DISP2: variants seen among roughly 807,000 people sequenced by gnomAD.
DISP2 encodes the protein protein dispatched homolog 2.
Under a neutral mutation model 95.5 loss-of-function variants are expected in DISP2, and 59 were observed. The observed-to-expected ratio is 0.62, with a 90% CI of 0.50 to 0.77. The LOEUF (loss-of-function observed/expected upper bound fraction) is 0.77, where lower values mean the gene tolerates loss of function less well. Among genes scored for constraint, DISP2 ranks in the 30% least tolerant of loss-of-function variants. The pLI, the probability that DISP2 is intolerant of heterozygous loss-of-function variation, is 0.00. For missense variants in DISP2, 1,752 were observed against 1,854.6 expected, an observed-to-expected ratio of 0.94 and a Z score of 1.02; for synonymous variants, 827 against 815.0, an observed-to-expected ratio of 1.01 and a Z score of -0.25.
rs371395422 is a variant in DISP2, at chr15:40,370,124, G to A, written c.4012G>A (p.Asp1338Asn). ...GCGAGGCCAGCTCAATGGGAAGCGGGACACCCTGTGGCTGGCGCTGAGGGA... is the reference window on the plus strand; with the variant it reads ...GCGAGGCCAGCTCAATGGGAAGCGGAACACCCTGTGGCTGGCGCTGAGGGA... ...LERGQLNGKRDTLWLALRETV... is the reference protein window; with the variant it reads ...LERGQLNGKRNTLWLALRETV... The change falls in exon 8 of 8, where the codon GAC (aspartate) becomes AAC (asparagine). Residue 1338 changes from aspartate to asparagine, a missense_variant. Asp to Asn is a conservative substitution (Grantham distance 23). Coordinates refer to ENST00000267889, the MANE Select transcript of DISP2 (RefSeq NM_033510.3). 448 of 1,607,630 alleles carry A rather than the reference G, an allele frequency of 2.8e-4. 6 individuals carry two copies. The South Asian group carries it at 4.7e-3, about 17-fold the overall frequency.
rs893486442 is a variant in DISP2, at chr15:40,373,160, A to G, written c.*2842A>G. ...TGAGTTGCAGCAGATCCTTTGCTTTATTATTATTAGGGGCACTTACAATGA... is the reference window on the plus strand; with the variant it reads ...TGAGTTGCAGCAGATCCTTTGCTTTGTTATTATTAGGGGCACTTACAATGA... On this transcript the variant is annotated 3_prime_UTR_variant, in exon 8 of 8. Transcript: ENST00000267889. The G allele has an allele frequency of 1.3e-5, 2 of 152,066 alleles. No homozygotes were observed. Among genetic ancestry groups the G allele is most frequent in the Non-Finnish European group, 2.9e-5 (2 of 68,026 alleles). 9.4% of individuals were successfully genotyped at this position (152,066 alleles called of 1,614,324 possible).
chr15:40,358,487 C>T lies in DISP2; in HGVS notation c.119+47C>T, dbSNP rs1164982505. The T allele has an allele frequency of 3.3e-6, 4 of 1,203,924 alleles. No homozygotes were observed. In the East Asian group the frequency reaches 1.3e-4, roughly 38 times the overall value. The allele number at this position is 1,203,924 out of a possible 1,614,324, so 74.6% of individuals were successfully genotyped here. On this transcript the variant is annotated intron_variant, in intron 1 of 7. Transcript: ENST00000267889. ...ATCCGTATCACAGACCCTCCCAGAC[C>T]CTCCCCGCCCCAGGTATCCCCAGTA...
chr15:40,367,442 A>T lies in DISP2; in HGVS notation c.1330A>T (p.Lys444Ter). 1 of 1,613,092 alleles carries T rather than the reference A, an allele frequency of 6.2e-7. No individual in the cohort carries two copies. The highest frequency in any genetic ancestry group is 8.5e-7 in the Non-Finnish European group (1 of 1,179,802). Residue 444 changes from lysine (K) to a stop codon, truncating the protein, a stop_gained, in exon 8 of 8, where the codon AAG becomes TAG. Transcript: ENST00000267889. LOFTEE classifies it high-confidence loss of function. ...KYSLLFLPTP[K>*]GASLMDIYLD... ...CAGCCTGCTCTTCCTGCCCACCCCAAAGGGTGCTTCCCTCATGGACATCTA... is the reference window on the plus strand; with the variant it reads ...CAGCCTGCTCTTCCTGCCCACCCCATAGGGTGCTTCCCTCATGGACATCTA...
In DISP2 at chr15:40,378,419, G is replaced by A. The variant is rs535435220; in HGVS notation, c.*8101G>A. The A allele has an allele frequency of 6.6e-6, 1 of 152,218 alleles. No individual in the cohort carries two copies. Among genetic ancestry groups the A allele is most frequent in the African/African-American group, 2.4e-5 (1 of 41,528 alleles). The allele number at this position is 152,218 out of a possible 1,614,324, so 9.4% of individuals were successfully genotyped here. A position where few individuals can be genotyped will look rare whatever the true frequency, so the allele number is the denominator to read the frequency against. ...GGCTGTGTTTATTATCTTAATTGTG[G>A]TGATGGTTTCACAGGTATATGTAAT... On this transcript the variant is annotated 3_prime_UTR_variant, in exon 8 of 8. Coordinates refer to ENST00000267889, the MANE Select transcript of DISP2 (RefSeq NM_033510.3).
chr15:40,366,430 C>T (rs1246279217), intron 7 of DISP2, among the ~76,000 whole-genome samples: 3 of 152,238 alleles, frequency 2.0e-5, no homozygotes, highest in Non-Finnish European at 4.4e-5. Flanking sequence ...ATAGTAATCT[C>T]TCAATAAGTA....
intron 1 of DISP2, 89 bp from the exon 2 acceptor site, chr15:40,363,536 T>C: frequency 4.1e-6 from 4 of 973,394 alleles, no homozygotes; most frequent in Non-Finnish European, 5.9e-6. Context: ...TGTCCCCTTG[T>C]CTTGTCTTAC....
Position 40,368,768 on chromosome 15 carries a change from G to A in DISP2, c.2656G>A (p.Gly886Ser). ...KMMALEQGPD[G>S]TQDLGLRFDA... ...GATGGCTCTGGAGCAAGGCCCCGAT[G>A]GCACCCAGGACCTGGGACTCCGCTT... The change falls in exon 8 of 8, where the codon GGC becomes AGC. Residue 886 changes from glycine to serine, a missense_variant. Transcript: ENST00000267889. The A allele has an allele frequency of 3.1e-6, 5 of 1,613,822 alleles. No homozygotes were observed. The highest frequency in any genetic ancestry group is 4.2e-6 in the Non-Finnish European group (5 of 1,180,034).
chr15:40,368,309 C>G lies in DISP2; in HGVS notation c.2197C>G (p.Pro733Ala), dbSNP rs1345578674. Residue 733 changes from proline (P) to alanine (A), a missense_variant, in exon 8 of 8, where the codon CCG becomes GCG. Pro to Ala is a conservative substitution (Grantham distance 27). Coordinates refer to ENST00000267889, the MANE Select transcript of DISP2 (RefSeq NM_033510.3). ...CCCCCGCCTGCGGCTGCCCACGCTG[C>G]CGCCGCCCGGCGGCCAGGTCTTCCG... is the stretch of plus-strand genomic sequence containing the variant. ...VSPRLRLPTL[P>A]PPGGQVFRPS... is the part of the protein sequence containing the mutation. The G allele has an allele frequency of 2.5e-6, 4 of 1,604,354 alleles. No individual in the cohort carries two copies. The highest frequency in any genetic ancestry group is 3.4e-6 in the Non-Finnish European group (4 of 1,176,842).
intron 1 of DISP2, among the ~76,000 whole-genome samples, chr15:40,359,557 C>T (rs1302645657): frequency 6.6e-6 from 1 of 152,192 alleles, no homozygotes; most frequent in Non-Finnish European, 1.5e-5. Flanking sequence ...CAGGACAGAG[C>T]GAGGACCTGG....
rs768683968 is a variant in DISP2, at chr15:40,369,220, C to T, written c.3108C>T (p.Tyr1036=). 4 of 1,613,962 alleles carry T rather than the reference C, an allele frequency of 2.5e-6. No individual in the cohort carries two copies. The Admixed American group carries it at 5.0e-5, about 20-fold the overall frequency. The part of the protein sequence containing the change: ...VGLSVDFTVN[Y]CISYHLCPHP... ...TCTCAGTAGACTTCACTGTCAACTACTGCATCTCCTATCACCTGTGCCCAC... is the reference window on the plus strand; with the variant it reads ...TCTCAGTAGACTTCACTGTCAACTATTGCATCTCCTATCACCTGTGCCCAC... Residue 1036 remains tyrosine, a synonymous_variant, in exon 8 of 8, where the codon TAC becomes TAT. Transcript: ENST00000267889.
chr15:40,369,938 G>T lies in DISP2; in HGVS notation c.3826G>T (p.Ala1276Ser), dbSNP rs1391914603. The part of the protein sequence containing the change: ...APAHSPKAKA[A>S]DPPDGFCSSA... ...AGCCCACTCTCCTAAGGCCAAGGCT[G>T]CAGATCCTCCTGATGGCTTCTGTTC... is the stretch of plus-strand genomic sequence containing the variant. The change falls in exon 8 of 8, where the codon GCA becomes TCA. Residue 1276 changes from alanine (A) to serine (S), a missense_variant. Physicochemically the swap from Ala to Ser is moderately conservative, Grantham distance 99. Coordinates refer to ENST00000267889, the MANE Select transcript of DISP2 (RefSeq NM_033510.3). The T allele has an allele frequency of 1.9e-6, 3 of 1,601,790 alleles. No individual in the cohort carries two copies. The highest frequency in any genetic ancestry group is 2.2e-5 in the East Asian group (1 of 44,700).
chr15:40,369,837 C>G lies in DISP2; in HGVS notation c.3725C>G (p.Pro1242Arg), dbSNP rs773375890. The change falls in exon 8 of 8, where the codon CCC becomes CGC. Residue 1242 changes from proline (P) to arginine (R), a missense_variant. Around this residue, in one of 5 missense-constraint regions of DISP2, gnomAD observed 347 missense variants for 344.2 expected, o/e 1.01. Coordinates refer to ENST00000267889, the MANE Select transcript of DISP2 (RefSeq NM_033510.3). Reference sequence around the variant, plus strand: ...TCCTCCCCCTATAAGCAGGCTGGCCCCAGCCCCAAAACCCGGGCCAGGCAG... The same window carrying G: ...TCCTCCCCCTATAAGCAGGCTGGCCGCAGCCCCAAAACCCGGGCCAGGCAG... ...QTSSPYKQAG[P>R]SPKTRARQDS... is the part of the protein sequence containing the mutation. 6.3e-7 allele frequency: 1 copy of G among 1,577,566 alleles called. No homozygotes were observed. The highest frequency in any genetic ancestry group is 1.2e-5 in the South Asian group (1 of 86,912).
Position 40,369,330 on chromosome 15 carries a change from C to T in DISP2, c.3218C>T (p.Ala1073Val). ...TAVGAAALFAAGVLMLPATVL... is the reference protein window; with the variant it reads ...TAVGAAALFAVGVLMLPATVL... Reference sequence around the variant, plus strand: ...GTGGGGGCTGCAGCCCTGTTTGCGGCAGGCGTGCTCATGCTGCCTGCCACA... The same window carrying T: ...GTGGGGGCTGCAGCCCTGTTTGCGGTAGGCGTGCTCATGCTGCCTGCCACA... Residue 1073 changes from alanine to valine, a missense_variant, in exon 8 of 8, where the codon GCA (alanine) becomes GTA (valine). Physicochemically the swap from Ala to Val is moderately conservative, Grantham distance 64. Around this residue, in one of 5 missense-constraint regions of DISP2, gnomAD observed 317 missense variants for 394.9 expected, o/e 0.80. Transcript: ENST00000267889. 6.2e-7 allele frequency: 1 copy of T among 1,613,388 alleles called. No homozygotes were observed. The highest frequency in any genetic ancestry group is 8.5e-7 in the Non-Finnish European group (1 of 1,180,036).
chr15:40,369,549 G>A lies in DISP2; in HGVS notation c.3437G>A (p.Arg1146His), dbSNP rs374933710. Residue 1146 changes from arginine (R) to histidine (H), a missense_variant, in exon 8 of 8, where the codon CGC becomes CAC. Coordinates refer to ENST00000267889, the MANE Select transcript of DISP2 (RefSeq NM_033510.3). Reference protein sequence around the residue: ...TGDPGGEKAGRPRPGSVGGMP... With the variant: ...TGDPGGEKAGHPRPGSVGGMP... ...GACCCTGGTGGGGAGAAGGCAGGCC[G>A]CCCACGACCAGGGTCAGTGGGAGGG... 94 of 1,612,352 alleles carry A rather than the reference G, an allele frequency of 5.8e-5. No homozygotes were observed. The highest frequency in any genetic ancestry group is 1.9e-4 in the South Asian group (17 of 91,084).
rs1459080774 is a variant in DISP2, at chr15:40,368,066, TGTGCGCGCCGGGCGCGGGGCC to T, written c.1956_1976del (p.Cys652_Arg659delinsTrp). The stretch of plus-strand genomic sequence containing the variant: ...CCACGAGCGCTACCTGGCGCGCGGC[TGTGCGCGCCGGGCGCGGGGCC>T]GGTGGGAGGGCAGCGCGCCCCGGCG... On this transcript the variant is annotated inframe_deletion, in exon 8 of 8. Coordinates refer to ENST00000267889, the MANE Select transcript of DISP2 (RefSeq NM_033510.3). 9.6e-6 allele frequency: 14 copies of T among 1,457,720 alleles called. No homozygotes were observed. Among genetic ancestry groups the T allele is most frequent in the South Asian group, 4.1e-5 (3 of 73,408 alleles). The allele number at this position is 1,457,720 out of a possible 1,614,324, so 90.3% of individuals were successfully genotyped here.
Position 40,369,876 on chromosome 15 carries a change from A to G in DISP2, c.3764A>G (p.Glu1255Gly), listed in dbSNP as rs145027994. 5.2e-5 allele frequency: 82 copies of G among 1,565,576 alleles called. No individual in the cohort carries two copies. The African/African-American group carries it at 8.9e-4, about 17-fold the overall frequency. ...KTRARQDSQG[E>G]EAEPLPASPE... is the part of the protein sequence containing the mutation. ...CGGGCCAGGCAGGACTCCCAAGGGGAGGAGGCTGAGCCCCTGCCAGCCTCA... is the reference window on the plus strand; with the variant it reads ...CGGGCCAGGCAGGACTCCCAAGGGGGGGAGGCTGAGCCCCTGCCAGCCTCA... Residue 1255 changes from glutamate (E) to glycine (G), a missense_variant, in exon 8 of 8, where the codon GAG becomes GGG. Physicochemically the swap from Glu to Gly is moderately conservative, Grantham distance 98. This residue lies in a region of DISP2 where 347 missense variants were observed against 344.2 expected (regional missense o/e 1.01). Coordinates refer to ENST00000267889, the MANE Select transcript of DISP2 (RefSeq NM_033510.3).
At position 40,370,565 on chromosome 15, in the gene DISP2, CTGCTCCCACAGCACCA is replaced by C. The variant is rs1311951889; in HGVS notation, c.*249_*264del. The stretch of plus-strand genomic sequence containing the variant: ...TGCTTGCGACCTGCTGAGGGCTTGT[CTGCTCCCACAGCACCA>C]TCTAAGACCCCTCCTCTAGAAGTGG... On this transcript the variant is annotated 3_prime_UTR_variant, in exon 8 of 8. Coordinates refer to ENST00000267889, the MANE Select transcript of DISP2 (RefSeq NM_033510.3). 15 of 718,650 alleles carry C rather than the reference CTGCTCCCACAGCACCA, an allele frequency of 2.1e-5. No individual in the cohort carries two copies. In the African/African-American group the frequency reaches 2.3e-4, roughly 11 times the overall value. The allele number at this position is 718,650 out of a possible 1,614,324, so 44.5% of individuals were successfully genotyped here.
At chr15:40,367,026 CT>C (rs756551657) in intron 7 of DISP2, 31 bp from the exon 8 acceptor site, 7 of 1,600,254 alleles carry the variant, frequency 4.4e-6, no homozygotes, top group Admixed American at 1.7e-5. Flanking sequence ...TGGGCTGCCC[CT>C]GAACTCTCCC....
rs773174781 is a variant in DISP2 at position 40,367,900 on chromosome 15, C to T, written c.1788C>T (p.Ser596=). The T allele has an allele frequency of 6.3e-7, 1 of 1,598,022 alleles. No homozygotes were observed. The highest frequency in any genetic ancestry group is 8.5e-7 in the Non-Finnish European group (1 of 1,179,290). ...ACTTCGGCTACCTGCTGCTGGTCTC[C>T]GGCCTCACCACGAGCGCGGCCTTCT... ...MHHFGYLLLV[S]GLTTSAAFYA... The change falls in exon 8 of 8, where the codon TCC becomes TCT. Residue 596 remains serine, a synonymous_variant. Coordinates refer to ENST00000267889, the MANE Select transcript of DISP2 (RefSeq NM_033510.3).
Sources: gnomAD v4.1 joint callset for allele counts (sites outside exome capture counted in the v4.1 genomes callset) on GRCh38, gnomAD v4.1.1 for gene constraint, gnomAD v4.1.1 regional missense constraint, MANE v1.5 for transcripts, NCBI Gene and HGNC (gene_info 2026-07-23, HGNC 2026-07-21) for gene names.